LYRM4: variants seen among roughly 807,000 people sequenced by gnomAD.
The protein encoded by LYRM4 is LYR motif containing 4, also known as LYR motif-containing protein 4.
In LYRM4, 9 loss-of-function variants were observed where a neutral mutation model predicts 11.7. That is an observed-to-expected ratio of 0.77 (90% CI 0.46 to 1.34). The LOEUF (loss-of-function observed/expected upper bound fraction) is 1.34, where lower values mean the gene tolerates loss of function less well. LYRM4 is among the 40% of genes most tolerant of loss of function. The pLI is 0.00. For missense variants in LYRM4, 133 were observed against 112.5 expected (o/e 1.18, Z -0.82); for synonymous variants, 42 against 40.4 (o/e 1.04, Z -0.15).
chr6:5,172,385 G>T (rs1430254599), intron 2 of LYRM4, among the ~76,000 whole-genome samples: 1 of 152,112 alleles, frequency 6.6e-6, no homozygotes, highest in Non-Finnish European at 1.5e-5. Flanking sequence ...TACTTTCGAG[G>T]GAGAGGAAGC....
chr6:5,075,307 A>G, the LYRM4 span, among the ~76,000 whole-genome samples: 2 of 152,244 alleles, frequency 1.3e-5, no homozygotes, highest in African/African-American at 4.8e-5. Flanking sequence ...AGGTAGAAGT[A>G]TGACTTCTCA....
chr6:5,064,230 C>G, the LYRM4 span, among the ~76,000 whole-genome samples: 1 of 152,018 alleles, frequency 6.6e-6, no homozygotes, highest in Non-Finnish European at 1.5e-5. Context: ...ATAAGGGTGA[C>G]AAATGAATCA....
the LYRM4 span, among the ~76,000 whole-genome samples, chr6:5,090,067 C>G: frequency 6.8e-6 from 1 of 148,134 alleles, no homozygotes; most frequent in Non-Finnish European, 1.5e-5. The surrounding 1 kb of genome is among the most constrained non-coding windows in gnomAD (Gnocchi z 4.8). Flanking sequence ...AACAAAATCC[C>G]TGCAATGCAG....
chr6:5,245,154 ATATATATAT>A lies in LYRM4; in HGVS notation c.86+15485_86+15493del, dbSNP rs1561899204. Among the ~76,000 whole-genome samples the A allele has an allele frequency of 5.1e-4, 53 of 103,846 alleles. 1 individual carries two copies. The highest frequency in any genetic ancestry group is 8.6e-4 in the African/African-American group (24 of 27,754). The allele number at this position is 103,846 out of a possible 152,430, so 68.1% of individuals were successfully genotyped here. On this transcript the variant is annotated intron_variant, in intron 1 of 2. Transcript: ENST00000330636. ...TATATATATATATATATATATATAT[ATATATATAT>A]AAAATAGGTGAATTTCTGGAACAAA...
the LYRM4 span, among the ~76,000 whole-genome samples, chr6:5,074,928 A>G: frequency 6.6e-6 from 1 of 152,208 alleles, no homozygotes; most frequent in Non-Finnish European, 1.5e-5. Context: ...TGATTGGATT[A>G]TGGGGGTGGA....
At chr6:5,129,057 C>T (rs1294017301) in intron 2 of LYRM4, among the ~76,000 whole-genome samples, 3 of 152,200 alleles carry the variant, frequency 2.0e-5, no homozygotes, top group African/African-American at 4.8e-5. Flanking sequence ...TTAGAGGCTG[C>T]GAGCGGCCAC....
At chr6:5,197,043 A>C (rs1446150772) in intron 2 of LYRM4, among the ~76,000 whole-genome samples, 1 of 152,358 alleles carries the variant, frequency 6.6e-6, no homozygotes, top group South Asian at 2.1e-4. Context: ...AATGCTCATC[A>C]ATACACATCT....
chr6:5,070,869 GAA>G, the LYRM4 span, among the ~76,000 whole-genome samples: 58 of 48,070 alleles, frequency 1.2e-3, no homozygotes, highest in South Asian at 9.3e-3. Flanking sequence ...ACCCTGTCTT[GAA>G]AAAAAAAAAA....
At chr6:5,227,705 T>A (rs1021167162) in intron 1 of LYRM4, among the ~76,000 whole-genome samples, 2 of 152,138 alleles carry the variant, frequency 1.3e-5, no homozygotes, top group Non-Finnish European at 2.9e-5. Context: ...TGCAGCAGTA[T>A]TTACAATAGC....
intron 1 of LYRM4, among the ~76,000 whole-genome samples, chr6:5,248,039 G>A (rs1290484481): frequency 3.3e-5 from 5 of 152,184 alleles, no homozygotes; most frequent in African/African-American, 7.2e-5. Context: ...GCAATGTCCA[G>A]ATGCTCTCAG....
intron 1 of LYRM4, among the ~76,000 whole-genome samples, chr6:5,222,990 A>C (rs1331697352): frequency 1.3e-5 from 2 of 152,224 alleles, no homozygotes; most frequent in South Asian, 2.1e-4. Flanking sequence ...TGGGTAATTA[A>C]ATTTATAATG....
chr6:5,254,880 A>C (rs1764595749), intron 1 of LYRM4, among the ~76,000 whole-genome samples: 1 of 152,196 alleles, frequency 6.6e-6, no homozygotes, highest in Non-Finnish European at 1.5e-5. Flanking sequence ...TTTATTAACC[A>C]AAATTCCGGT....
Position 5,117,509 on chromosome 6 carries a change from C to T in LYRM4, c.208-8018G>A, listed in dbSNP as rs550280599. ...GGCAGAGGTTGCAGTGAGCCGAGAT[C>T]GCACTCCAGCCTGGTGACAGAGCGA... On this transcript the variant is annotated intron_variant, in intron 2 of 2. Coordinates refer to ENST00000330636, the MANE Select transcript of LYRM4 (RefSeq NM_020408.6). 1.2e-4 allele frequency among the ~76,000 whole-genome samples: 18 copies of T among 151,106 alleles called. 2 individuals carry two copies. The highest frequency in any genetic ancestry group is 1.2e-3 in the East Asian group (6 of 5,108).
intron 2 of LYRM4, among the ~76,000 whole-genome samples, chr6:5,198,559 A>G (rs1761205932): frequency 6.6e-6 from 1 of 152,216 alleles, no homozygotes; most frequent in Non-Finnish European, 1.5e-5. Flanking sequence ...AGGGAGGGCC[A>G]CAGGGAGCAG....
At chr6:5,071,024 C>A in the LYRM4 span, among the ~76,000 whole-genome samples, 1 of 151,726 alleles carries the variant, frequency 6.6e-6, no homozygotes, top group South Asian at 2.1e-4. Flanking sequence ...ACTGTCTCTA[C>A]TAACAATACA....
intron 2 of LYRM4, among the ~76,000 whole-genome samples, chr6:5,201,309 G>C (rs758680149): frequency 6.6e-6 from 1 of 152,136 alleles, no homozygotes; most frequent in African/African-American, 2.4e-5. Flanking sequence ...AGTCCTGGCA[G>C]TGCAAGTGCA....
At chr6:5,153,157 G>A (rs761300521) in intron 2 of LYRM4, among the ~76,000 whole-genome samples, 5 of 152,102 alleles carry the variant, frequency 3.3e-5, no homozygotes, top group South Asian at 2.1e-4. Flanking sequence ...GAGTGCAGTC[G>A]TGTGATCTCA....
At chr6:5,145,573 T>A (rs949911706) in intron 2 of LYRM4, among the ~76,000 whole-genome samples, 13 of 152,274 alleles carry the variant, frequency 8.5e-5, no homozygotes, top group African/African-American at 2.9e-4. Flanking sequence ...TAAAAAAGCT[T>A]CATCAGAAGG....
the LYRM4 span, among the ~76,000 whole-genome samples, chr6:5,061,449 T>C: frequency 3.3e-5 from 5 of 152,196 alleles, no homozygotes; most frequent in African/African-American, 1.2e-4. Flanking sequence ...TAGTGAACAA[T>C]TGTAAAATAA....
Sources: allele counts gnomAD v4.1 joint callset (sites outside exome capture counted in the v4.1 genomes callset), GRCh38; gene constraint gnomAD v4.1.1; non-coding constraint Gnocchi (gnomAD v3.1); transcripts MANE v1.5; gene names NCBI Gene and HGNC (gene_info 2026-07-23, HGNC 2026-07-21).